XG: variants seen among roughly 807,000 people sequenced by gnomAD.
XG encodes Xg glycoprotein (Xg blood group).
XG carries 24 observed loss-of-function variants against 25.7 expected under a neutral mutation model. The observed-to-expected ratio is 0.93, with a 90% CI of 0.68 to 1.31. The LOEUF is 1.31. XG is among the 40% of genes most tolerant of loss of function. The pLI, the probability that XG is intolerant of heterozygous loss-of-function variation, is 0.00. For missense variants in XG, 181 were observed against 187.6 expected, an observed-to-expected ratio of 0.96 and a Z score of 0.21; for synonymous variants, 77 against 69.2, an observed-to-expected ratio of 1.11 and a Z score of -0.56.
intron 7 of XG, among the ~76,000 whole-genome samples, chrX:2,802,917 G>C (rs1209560182): frequency 9.0e-6 from 1 of 111,283 alleles, no homozygotes; most frequent in Admixed American, 9.6e-5. Context: ...ATCTTTGTTT[G>C]AATGTTAAGC....
chrX:2,773,566 A>C (rs1394004644), intron 2 of XG, among the ~76,000 whole-genome samples: 17 of 85,746 alleles, frequency 2.0e-4, no homozygotes, highest in South Asian at 4.7e-4. Context: ...AAGGAAGGAG[A>C]GAAGGAAGGA....
rs200022655 is a variant in XG at position 2,815,802 on chromosome X, C to CATAT, written c.*1423_*1424insTATA. ...GTGAAAAAACCTGTGTTTTTAGTTA[C>CATAT]ACACACACACACACACACACCTACT... On this transcript the variant is annotated 3_prime_UTR_variant, in exon 11 of 11. Transcript: ENST00000644266. The CATAT allele has an allele frequency of 1.4e-4, 15 of 104,846 alleles. No homozygotes were observed. The highest frequency in any genetic ancestry group is 2.9e-4 in the East Asian group (1 of 3,446). 8.6% of individuals were successfully genotyped at this position (104,846 alleles called of 1,213,427 possible).
intron 1 of XG, among the ~76,000 whole-genome samples, chrX:2,759,341 G>A (rs980557507): frequency 4.6e-5 from 7 of 152,220 alleles, no homozygotes; most frequent in Non-Finnish European, 7.3e-5. Flanking sequence ...TGCGAAAGGG[G>A]ACAGGTTGGA....
chrX:2,778,748 G>A (rs2051054506), intron 3 of XG, among the ~76,000 whole-genome samples: 1 of 151,592 alleles, frequency 6.6e-6, no homozygotes, highest in African/African-American at 2.4e-5. Context: ...TGGATGATAC[G>A]TGATCAAATC....
In XG at chrX:2,770,019, AGGGGTGG is replaced by A. The variant is rs1569460920; in HGVS notation, c.62-526_62-520del. On this transcript the variant is annotated intron_variant, in intron 1 of 10. Transcript: ENST00000644266. The stretch of plus-strand genomic sequence containing the variant: ...CAACCTAGACTCTGTGCGTGTGTGG[AGGGGTGG>A]GGGGGGCGTTGGGGGGCGGGGATAT... 8.4e-3 allele frequency among the ~76,000 whole-genome samples: 266 copies of A among 31,486 alleles called. 2 individuals are homozygous for A. The highest frequency in any genetic ancestry group is 0.034 in the African/African-American group (237 of 6,940). 20.7% of individuals were successfully genotyped at this position (31,486 alleles called of 152,430 possible). A position where few individuals can be genotyped will look rare whatever the true frequency, so the allele number is the denominator to read the frequency against.
intron 3 of XG, chrX:2,775,124 G>T (rs187236715): frequency 1.4e-3 from 342 of 236,524 alleles, no homozygotes; most frequent in African/African-American, 6.8e-3. Context: ...CCACTCCTAG[G>T]TATGTACTCA....
chrX:2,779,201 A>G (rs1048094897), intron 3 of XG, among the ~76,000 whole-genome samples: 1 of 151,862 alleles, frequency 6.6e-6, no homozygotes, highest in African/African-American at 2.4e-5. Flanking sequence ...TACAAAAAGC[A>G]TAACCACGCC....
At chrX:2,775,826 C>T (rs1186064415) in intron 3 of XG, among the ~76,000 whole-genome samples, 1 of 151,246 alleles carries the variant, frequency 6.6e-6, no homozygotes, top group Admixed American at 6.6e-5. Flanking sequence ...CATGATGGCA[C>T]ATGTCTGTAA....
rs1491288808 is a variant in XG, at chrX:2,815,821, A to ACACACACACACACACACACC, written c.*1442_*1443insACACACACACACACACACCC. On this transcript the variant is annotated 3_prime_UTR_variant, in exon 11 of 11. Coordinates refer to ENST00000644266, the MANE Select transcript of XG (RefSeq NM_001141919.2). ...TAGTTACACACACACACACACACAC[A>ACACACACACACACACACACC]CCTACTTAAATGGAATCTAAACATT... 4.4e-4 allele frequency: 47 copies of ACACACACACACACACACACC among 107,796 alleles called. No homozygotes were observed. The highest frequency in any genetic ancestry group is 7.7e-4 in the Non-Finnish European group (40 of 51,973). 8.9% of individuals were successfully genotyped at this position (107,796 alleles called of 1,213,427 possible).
At chrX:2,763,530 C>T (rs1194216819) in intron 1 of XG, among the ~76,000 whole-genome samples, 1 of 152,080 alleles carries the variant, frequency 6.6e-6, no homozygotes, top group Non-Finnish European at 1.5e-5. Context: ...GAAGTCACAC[C>T]AATGGCCACA....
chrX:2,806,864 G>T (rs189638265), intron 8 of XG, 119 bp downstream of exon 8: 26 of 582,188 alleles, frequency 4.5e-5, no homozygotes, highest in Non-Finnish European at 6.6e-5. Flanking sequence ...CCAACTGGCC[G>T]TTCGAGTCTC....
chrX:2,756,957 C>G, intron 1 of XG, among the ~76,000 whole-genome samples: 1 of 152,292 alleles, frequency 6.6e-6, no homozygotes, highest in South Asian at 2.1e-4. Context: ...TCAGTGCCGT[C>G]TTGGTACCCG....
intron 1 of XG, among the ~76,000 whole-genome samples, chrX:2,760,006 C>T (rs1283967293): frequency 1.3e-5 from 2 of 152,172 alleles, no homozygotes; most frequent in Non-Finnish European, 2.9e-5. Flanking sequence ...CTGGTCTGAT[C>T]CAGGCATGGA....
At chrX:2,772,667 A>G (rs1181729153) in intron 2 of XG, among the ~76,000 whole-genome samples, 8 of 152,232 alleles carry the variant, frequency 5.3e-5, no homozygotes, top group Admixed American at 1.3e-4. Flanking sequence ...TATATGAAAC[A>G]CCATTGAATT....
At chrX:2,792,048 C>G (rs1188188795) in intron 5 of XG, among the ~76,000 whole-genome samples, 1 of 110,672 alleles carries the variant, frequency 9.0e-6, no homozygotes, top group Admixed American at 9.7e-5. Context: ...TTTGGGAGGC[C>G]GAAGTGGGAA....
intron 1 of XG, among the ~76,000 whole-genome samples, chrX:2,756,098 G>A (rs28370567): frequency 0.013 from 2,015 of 152,256 alleles, 39 homozygotes; most frequent in African/African-American, 0.044. Flanking sequence ...TCATTATGAT[G>A]ATTACTAAAT....
intron 7 of XG, among the ~76,000 whole-genome samples, chrX:2,800,939 A>G (rs1345779303): frequency 1.0e-5 from 1 of 97,478 alleles, no homozygotes; most frequent in Non-Finnish European, 2.0e-5. Context: ...TAGCACCACT[A>G]CCTTCCAGCC....
At chrX:2,778,406 A>C (rs951284343) in intron 3 of XG, among the ~76,000 whole-genome samples, 1 of 152,038 alleles carries the variant, frequency 6.6e-6, no homozygotes, top group Non-Finnish European at 1.5e-5. Context: ...ATTAGTGGAC[A>C]TGGTGGCATG....
At chrX:2,783,994 AC>A (rs1183888759) in intron 4 of XG, among the ~76,000 whole-genome samples, 1,420 of 110,383 alleles carry the variant, frequency 0.013, 27 homozygotes, top group African/African-American at 0.045. Context: ...ACCAAACCAA[AC>A]CAAACCAAAC....
Sources: allele counts gnomAD v4.1 joint callset (sites outside exome capture counted in the v4.1 genomes callset), GRCh38; gene constraint gnomAD v4.1.1; transcripts MANE v1.5; gene names NCBI Gene and HGNC (gene_info 2026-07-23, HGNC 2026-07-21).